Variants in IGFN1 observed in about 807,000 individuals in gnomAD.
The protein encoded by IGFN1 is immunoglobulin-like and fibronectin type III domain-containing protein 1.
In IGFN1, 253 loss-of-function variants were observed where a neutral mutation model predicts 289.5. The ratio of observed to expected loss-of-function variants is 0.87; its 90% CI spans 0.79 to 0.97. IGFN1 has a LOEUF of 0.97. Among genes scored for constraint, IGFN1 ranks in the 50% least tolerant of loss-of-function variants. IGFN1 has a pLI of 0.00. For missense variants in IGFN1, 4,470 were observed against 4,686.1 expected (o/e 0.95, Z 1.35); for synonymous variants, 1,706 against 1,788.5 (o/e 0.95, Z 1.16).
chr1:201,221,633 C>G lies in IGFN1; in HGVS notation c.10088C>G (p.Ala3363Gly), dbSNP rs149175837. Residue 3363 changes from alanine to glycine, a missense_variant, in exon 19 of 24, where the codon GCC becomes GGC. Physicochemically the swap from Ala to Gly is moderately conservative, Grantham distance 60 (BLOSUM62 0). Coordinates refer to ENST00000335211, the MANE Select transcript of IGFN1 (RefSeq NM_001164586.2). ...VGTVPVTTYTAKGLRPGEGYF... is the reference protein window; with the variant it reads ...VGTVPVTTYTGKGLRPGEGYF... ...ACCGTGCCAGTCACCACCTACACGG[C>G]CAAGGGGCTTCGGCCTGGAGAGGGC... The G allele has an allele frequency of 1.1e-5, 18 of 1,614,242 alleles. No individual in the cohort carries two copies. The highest frequency in any genetic ancestry group is 1.4e-5 in the Non-Finnish European group (16 of 1,180,036).
Position 201,210,055 on chromosome 1 carries a change from G to A in IGFN1, c.5162G>A (p.Gly1721Asp), listed in dbSNP as rs1251048026. The change falls in exon 12 of 24, where the codon GGT (glycine) becomes GAT (aspartate). Residue 1721 changes from glycine to aspartate, a missense_variant. Coordinates refer to ENST00000335211, the MANE Select transcript of IGFN1 (RefSeq NM_001164586.2). ...RKDLGAPEGM[G>D]SGSKAGFRDG... ...GATTTGGGGGCTCCTGAGGGAATGG[G>A]TTCAGGGAGTAAGGCAGGTTTCAGG... The A allele has an allele frequency of 1.4e-6, 2 of 1,431,444 alleles. No individual in the cohort carries two copies. Among genetic ancestry groups the A allele is most frequent in the Non-Finnish European group, 1.8e-6 (2 of 1,091,338 alleles). The allele number at this position is 1,431,444 out of a possible 1,614,324, so 88.7% of individuals were successfully genotyped here. A position where few individuals can be genotyped will look rare whatever the true frequency, so the allele number is the denominator to read the frequency against.
chr1:201,209,000 A>C lies in IGFN1; in HGVS notation c.4107A>C (p.Glu1369Asp). Reference sequence around the variant, plus strand: ...GCGGTGGTTTAAAGGGTTCCAGGGAAATCGGGTCAATGGATGAAACAGATA... The same window carrying C: ...GCGGTGGTTTAAAGGGTTCCAGGGACATCGGGTCAATGGATGAAACAGATA... ...DYSGGLKGSR[E>D]IGSMDETDNR... Residue 1369 changes from glutamate to aspartate, a missense_variant, in exon 12 of 24, where the codon GAA (glutamate) becomes GAC (aspartate). This residue lies in a region of IGFN1 where 2,011 missense variants were observed against 1,953.4 expected (regional missense o/e 1.03). Coordinates refer to ENST00000335211, the MANE Select transcript of IGFN1 (RefSeq NM_001164586.2). The C allele has an allele frequency of 6.5e-7, 1 of 1,536,658 alleles. No individual in the cohort carries two copies. Among genetic ancestry groups the C allele is most frequent in the Non-Finnish European group, 8.7e-7 (1 of 1,146,776 alleles).
In IGFN1 at chr1:201,221,758, C is replaced by T. The variant is rs1653754314; in HGVS notation, c.10201+12C>T. 6.4e-7 allele frequency: 1 copy of T among 1,563,568 alleles called. No homozygotes were observed. Among genetic ancestry groups the T allele is most frequent in the Non-Finnish European group, 8.7e-7 (1 of 1,151,060 alleles). ...CATGCCTGTTACTGGTGAGTGCTGC[C>T]TCCTTCCCCGACCCCTGAGCCCTGC... On this transcript the variant is annotated intron_variant, in intron 19 of 23. Transcript: ENST00000335211.
chr1:201,197,539 G>A (rs1666972300), intron 5 of IGFN1, among the ~76,000 whole-genome samples: 1 of 152,232 alleles, frequency 6.6e-6, no homozygotes. Flanking sequence ...ATACTCTGAA[G>A]GATATTCTCT....
At position 201,213,327 on chromosome 1, in the gene IGFN1, C is replaced by G. The variant is rs191680057; in HGVS notation, c.8434C>G (p.Pro2812Ala). ...VEEAGRSGRR[P>A]GSLRSRSQAQ... ...AGAGGCTGGGAGGTCAGGCAGGAGG[C>G]CTGGCTCACTCAGGAGCAGGTCTCA... Residue 2812 changes from proline to alanine, a missense_variant, in exon 12 of 24, where the codon CCT becomes GCT. Physicochemically the swap from Pro to Ala is conservative, Grantham distance 27. Transcript: ENST00000335211. The G allele has an allele frequency of 4.2e-5, 67 of 1,591,350 alleles. No individual in the cohort carries two copies. The East Asian group carries it at 1.4e-3, about 33-fold the overall frequency.
chr1:201,212,290 A>T lies in IGFN1; in HGVS notation c.7397A>T (p.Asp2466Val), dbSNP rs551973738. ...TCAGATGAGCGAGGCTCCACCAAAG[A>T]TCTTGGGGGCTATGGAACTTCAGGG... ...TLSDERGSTK[D>V]LGGYGTSGIP... Residue 2466 changes from aspartate (D) to valine (V), a missense_variant, in exon 12 of 24, where the codon GAT becomes GTT. Transcript: ENST00000335211. 1.3e-5 allele frequency: 20 copies of T among 1,536,352 alleles called. No homozygotes were observed. The East Asian group carries it at 4.2e-4, about 32-fold the overall frequency.
In IGFN1 at chr1:201,207,026, C is replaced by G; in HGVS notation, c.2133C>G (p.Tyr711Ter). Residue 711 changes from tyrosine (Y) to a stop codon, truncating the protein, a stop_gained, in exon 12 of 24, where the codon TAC (tyrosine) becomes TAG (stop). Coordinates refer to ENST00000335211, the MANE Select transcript of IGFN1 (RefSeq NM_001164586.2). LOFTEE classifies it high-confidence loss of function. ...CTGACTATGGGGAAGCCAGGGGCTA[C>G]TGGGGGTCAGGAGAGTTGCTAGAAC... is the stretch of plus-strand genomic sequence containing the variant. Reference protein sequence around the residue: ...RDADYGEARGYWGSGELLEQI... With the variant: ...RDADYGEARG 1 of 1,536,708 alleles carries G rather than the reference C, an allele frequency of 6.5e-7. No homozygotes were observed. The highest frequency in any genetic ancestry group is 8.7e-7 in the Non-Finnish European group (1 of 1,146,754).
intron 17 of IGFN1, 23 bp from the exon 18 acceptor site, chr1:201,218,507 T>C (rs1041128005): frequency 6.2e-7 from 1 of 1,605,966 alleles, no homozygotes; most frequent in Admixed American, 1.7e-5. Context: ...AGGGTGGGAC[T>C]CACATGGGCG....
intron 11 of IGFN1, 146 bp downstream of exon 11, chr1:201,205,500 A>C (rs1667373372): frequency 7.4e-6 from 7 of 946,264 alleles, no homozygotes; most frequent in Non-Finnish European, 1.1e-5. Flanking sequence ...ACTGCAGTGC[A>C]GACCTTCATG....
chr1:201,214,976 G>A (rs776042804), intron 13 of IGFN1, 37 bp from the exon 14 acceptor site: 24 of 1,602,964 alleles, frequency 1.5e-5, no homozygotes, highest in Middle Eastern at 1.7e-4. Flanking sequence ...TGGGATGGGA[G>A]TGGGGTGACC....
intron 3 of IGFN1, 90 bp downstream of exon 3, chr1:201,194,363 G>A (rs1456948243): frequency 3.5e-6 from 5 of 1,426,918 alleles, no homozygotes; most frequent in East Asian, 2.5e-5. Context: ...CCTTCCTGGG[G>A]ACCCAGGCCC....
At chr1:201,204,329 C>T (rs938076798) in intron 10 of IGFN1, among the ~76,000 whole-genome samples, 2 of 152,226 alleles carry the variant, frequency 1.3e-5, no homozygotes, top group Non-Finnish European at 2.9e-5. Context: ...TCCTTTTCTG[C>T]TTCCTGTATT....
In IGFN1 at chr1:201,206,146, A is replaced by G. The variant is rs9651057; in HGVS notation, c.1253A>G (p.Gln418Arg). The G allele has an allele frequency of 0.45, 700,441 of 1,550,406 alleles. 162,697 individuals are homozygous for G. Among genetic ancestry groups the G allele is most frequent in the East Asian group, 0.55 (22,668 of 40,902 alleles). The change falls in exon 12 of 24, where the codon CAG (glutamine) becomes CGG (arginine). Residue 418 changes from glutamine (Q) to arginine (R), a missense_variant. Transcript: ENST00000335211. ...CACAAACTGCAGAGGCAAGGAGCCC[A>G]GGCATCAGGAGCAGAAGAGTCTGGG... ...ADHKLQRQGA[Q>R]ASGAEESGSI... is the part of the protein sequence containing the mutation.
At chr1:201,214,378 G>C in intron 13 of IGFN1, 77 bp downstream of exon 13, 10 of 1,423,824 alleles carry the variant, frequency 7.0e-6, no homozygotes, top group Non-Finnish European at 9.5e-6. Flanking sequence ...GAGCGTAGAG[G>C]CTTTGAAAGA....
In IGFN1 at chr1:201,225,934, G is replaced by A. The variant is rs368059583; in HGVS notation, c.10597G>A (p.Ala3533Thr). 1.8e-5 allele frequency: 29 copies of A among 1,604,206 alleles called. No homozygotes were observed. Among genetic ancestry groups the A allele is most frequent in the East Asian group, 1.3e-4 (6 of 44,822 alleles). The part of the protein sequence containing the change: ...DEAQDVPLHY[A>T]VFTRSSAHGP... ...GGCCCAGGATGTCCCGCTGCACTAC[G>A]CGGTGTTCACACGCTCCTCAGCGCA... is the stretch of plus-strand genomic sequence containing the variant. The change falls in exon 22 of 24, where the codon GCG becomes ACG. Residue 3533 changes from alanine to threonine, a missense_variant. Physicochemically the swap from Ala to Thr is moderately conservative, Grantham distance 58. Around this residue, in one of 8 missense-constraint regions of IGFN1, gnomAD observed 2,218 missense variants for 2,114.1 expected, o/e 1.05. Transcript: ENST00000335211.
At chr1:201,216,319 C>T (rs1050893135) in intron 15 of IGFN1, 135 bp from the exon 16 acceptor site, 103 of 673,964 alleles carry the variant, frequency 1.5e-4, no homozygotes, top group Middle Eastern at 4.2e-4. Context: ...CAGTCTGCCC[C>T]ATTGCAGGCT....
intron 1 of IGFN1, among the ~76,000 whole-genome samples, chr1:201,192,812 G>A (rs1666716579): frequency 6.6e-6 from 1 of 152,182 alleles, no homozygotes; most frequent in African/African-American, 2.4e-5. Flanking sequence ...GCTGAAAGGA[G>A]CCTGAATCCT....
At chr1:201,214,570 T>C (rs571586451) in intron 13 of IGFN1, among the ~76,000 whole-genome samples, 48 of 152,264 alleles carry the variant, frequency 3.2e-4, no homozygotes, top group Admixed American at 3.3e-4. Flanking sequence ...TGCTGAATCC[T>C]ACCCATCCTT....
At chr1:201,202,949 G>T (rs910514614) in intron 9 of IGFN1, among the ~76,000 whole-genome samples, 1 of 151,928 alleles carries the variant, frequency 6.6e-6, no homozygotes. Context: ...TACAGACAGG[G>T]TTTCACCATG....
Sources: allele counts gnomAD v4.1 joint callset (sites outside exome capture counted in the v4.1 genomes callset), GRCh38; gene constraint gnomAD v4.1.1; regional missense constraint gnomAD v4.1.1; transcripts MANE v1.5; gene names NCBI Gene and HGNC (gene_info 2026-07-23, HGNC 2026-07-21).